The following NRXN3 variants were observed in gnomAD, a reference collection of about 807,000 sequenced individuals.
NRXN3 encodes the protein neurexin III.
NRXN3 carries 32 observed loss-of-function variants against 137.6 expected under a neutral mutation model. The ratio of observed to expected loss-of-function variants is 0.23; its 90% CI spans 0.18 to 0.31. The LOEUF is 0.31. Among genes scored for constraint, NRXN3 ranks in the 10% least tolerant of loss-of-function variants. The pLI is 1.00. For missense variants in NRXN3, 1,574 were observed against 2,062.5 expected (o/e 0.76, Z 4.59); for synonymous variants, 798 against 784.5 (o/e 1.02, Z -0.29).
intron 20 of NRXN3, among the ~76,000 whole-genome samples, chr14:79,808,343 C>A (rs1269587912): frequency 1.3e-5 from 2 of 150,508 alleles, no homozygotes; most frequent in African/African-American, 4.9e-5. Flanking sequence ...AATCAGAAAT[C>A]AGTTTCTTGG....
intron 15 of NRXN3, among the ~76,000 whole-genome samples, chr14:79,071,712 G>C (rs1301682727): frequency 1.3e-5 from 2 of 152,046 alleles, no homozygotes; most frequent in Admixed American, 1.3e-4. Context: ...CGGTTCATTG[G>C]TACCAAAAAA....
chr14:79,540,978 G>A (rs1029686511), intron 16 of NRXN3, among the ~76,000 whole-genome samples: 2 of 152,064 alleles, frequency 1.3e-5, no homozygotes, highest in African/African-American at 4.8e-5. Context: ...GGTTCCTTCT[G>A]GAGGTTCTGA....
At chr14:79,556,108 TGC>T (rs1227425917) in intron 16 of NRXN3, among the ~76,000 whole-genome samples, 1 of 152,076 alleles carries the variant, frequency 6.6e-6, no homozygotes, top group African/African-American at 2.4e-5. Context: ...TAATCCACAT[TGC>T]CAAGGAGGAG....
At chr14:78,245,797 G>C (rs1255666955) in intron 2 of NRXN3, among the ~76,000 whole-genome samples, 1 of 152,194 alleles carries the variant, frequency 6.6e-6, no homozygotes, top group African/African-American at 2.4e-5. Context: ...TGGGTGGGCT[G>C]TCAGAGCTGG....
chr14:78,294,785 T>A (rs1357731975), intron 3 of NRXN3, among the ~76,000 whole-genome samples: 1 of 152,154 alleles, frequency 6.6e-6, no homozygotes, highest in African/African-American at 2.4e-5. Context: ...CCCCCATGCA[T>A]CACTGTCAGG....
intron 10 of NRXN3, among the ~76,000 whole-genome samples, chr14:78,890,203 G>A (rs534785533): frequency 2.0e-5 from 3 of 151,934 alleles, no homozygotes; most frequent in African/African-American, 7.2e-5. Context: ...CATGAGAAAC[G>A]AATACAACAA....
intron 4 of NRXN3, among the ~76,000 whole-genome samples, chr14:78,520,383 G>T (rs965837021): frequency 2.0e-5 from 3 of 152,090 alleles, no homozygotes; most frequent in African/African-American, 7.2e-5. Context: ...TTTATTAGTT[G>T]CTTGGGTTGG....
chr14:78,267,464 G>A (rs2071953819), intron 2 of NRXN3, among the ~76,000 whole-genome samples: 1 of 152,078 alleles, frequency 6.6e-6, no homozygotes, highest in East Asian at 1.9e-4. Context: ...AGCTGATGTG[G>A]GAGGATTGCT....
chr14:78,278,290 G>A (rs1308984482), intron 2 of NRXN3, among the ~76,000 whole-genome samples: 3 of 152,156 alleles, frequency 2.0e-5, no homozygotes, highest in Admixed American at 6.5e-5. Context: ...TGGTGTCAGT[G>A]TGCAGAAATC....
At chr14:78,627,365 C>T (rs554650362) in intron 4 of NRXN3, among the ~76,000 whole-genome samples, 22 of 152,200 alleles carry the variant, frequency 1.4e-4, no homozygotes, top group African/African-American at 5.1e-4. Flanking sequence ...ATAGAGGCTA[C>T]ACTGTTGCAG....
chr14:78,466,070 G>T (rs1019310280), intron 4 of NRXN3, among the ~76,000 whole-genome samples: 3 of 151,780 alleles, frequency 2.0e-5, no homozygotes, highest in Non-Finnish European at 4.4e-5. Context: ...AGCCAGGTTG[G>T]TCTAGATCTC....
At chr14:78,817,369 A>G (rs1425251919) in intron 10 of NRXN3, among the ~76,000 whole-genome samples, 1 of 152,226 alleles carries the variant, frequency 6.6e-6, no homozygotes, top group Non-Finnish European at 1.5e-5. Flanking sequence ...GTGGTTTCCA[A>G]AAGAGAGTAT....
At chr14:78,632,249 C>A (rs1461490249) in intron 4 of NRXN3, among the ~76,000 whole-genome samples, 1 of 151,856 alleles carries the variant, frequency 6.6e-6, no homozygotes, top group Non-Finnish European at 1.5e-5. Flanking sequence ...GTATTTATAT[C>A]CCAAAGTATA....
chr14:78,345,174 T>C (rs972395411), intron 4 of NRXN3, among the ~76,000 whole-genome samples: 4 of 151,968 alleles, frequency 2.6e-5, no homozygotes, highest in African/African-American at 9.7e-5. Context: ...GGGGCAGCTG[T>C]TATATTTGCT....
chr14:79,721,152 G>T (rs1380106905), intron 19 of NRXN3, among the ~76,000 whole-genome samples: 3 of 152,100 alleles, frequency 2.0e-5, no homozygotes, highest in African/African-American at 7.2e-5. Flanking sequence ...GAAACATCTT[G>T]CAGATAAATT....
intron 2 of NRXN3, among the ~76,000 whole-genome samples, chr14:78,253,659 A>G (rs1398943420): frequency 6.6e-6 from 1 of 152,086 alleles, no homozygotes; most frequent in Non-Finnish European, 1.5e-5. Context: ...TGGGCAACAG[A>G]GTGAGACCCA....
In NRXN3 at chr14:79,822,840, C is replaced by A. The variant is rs568479887; in HGVS notation, c.4093+17650C>A. On this transcript the variant is annotated intron_variant, in intron 20 of 20. Transcript: ENST00000335750. The stretch of plus-strand genomic sequence containing the variant: ...ACAAACAAACAAACAAACAAAAAAA[C>A]CAAAAAAGCCACCCTAGGATAAATA... 2.7e-4 allele frequency among the ~76,000 whole-genome samples: 41 copies of A among 151,702 alleles called. No homozygotes were observed. The South Asian group carries it at 5.0e-3, about 19-fold the overall frequency.
At chr14:79,350,818 A>G (rs547524047) in intron 15 of NRXN3, among the ~76,000 whole-genome samples, 3 of 152,292 alleles carry the variant, frequency 2.0e-5, no homozygotes, top group African/African-American at 4.8e-5. Flanking sequence ...ATGCAGTCCT[A>G]CTGCAACCCA....
At chr14:79,013,507 C>T (rs1257360427) in intron 15 of NRXN3, among the ~76,000 whole-genome samples, 1 of 152,176 alleles carries the variant, frequency 6.6e-6, no homozygotes, top group African/African-American at 2.4e-5. Context: ...TTATTAACTT[C>T]TCCCAGAGAA....
Sources: gnomAD v4.1 joint callset for allele counts (sites outside exome capture counted in the v4.1 genomes callset) on GRCh38, gnomAD v4.1.1 for gene constraint, MANE v1.5 for transcripts, NCBI Gene and HGNC (gene_info 2026-07-23, HGNC 2026-07-21) for gene names.